PLEKHG4: variants seen among roughly 807,000 people sequenced by gnomAD.
PLEKHG4 encodes the protein pleckstrin homology and RhoGEF domain containing G4, also known as puratrophin-1.
In PLEKHG4, 85 loss-of-function variants were observed where a neutral mutation model predicts 136.9. The ratio of observed to expected loss-of-function variants is 0.62; its 90% CI spans 0.52 to 0.74. The LOEUF is 0.74. Among genes scored for constraint, PLEKHG4 ranks in the 30% least tolerant of loss-of-function variants. The pLI is 0.00. For missense variants in PLEKHG4, 1,317 were observed against 1,527.8 expected (o/e 0.86, Z 2.30); for synonymous variants, 577 against 646.9 (o/e 0.89, Z 1.64).
rs933686150 is a variant in PLEKHG4 at position 67,284,193 on chromosome 16, C to T, written c.1510-82C>T. ...CAGGACAGACTTGATGGGGACATGT[C>T]GATATGTCAGCAGGAAGTATCTGAG... On this transcript the variant is annotated intron_variant, in intron 11 of 21. Transcript: ENST00000379344. This position sits in a 1 kb window ranked among gnomAD's most constrained non-coding sequence, Gnocchi z 4.4. The T allele has an allele frequency of 3.2e-5, 40 of 1,236,270 alleles. No homozygotes were observed. Among genetic ancestry groups the T allele is most frequent in the East Asian group, 4.8e-5 (2 of 41,430 alleles). 76.6% of individuals were successfully genotyped at this position (1,236,270 alleles called of 1,614,324 possible).
intron 11 of PLEKHG4, among the ~76,000 whole-genome samples, chr16:67,283,330 G>A (rs1175564819): frequency 1.3e-5 from 2 of 152,154 alleles, no homozygotes; most frequent in Admixed American, 1.3e-4. Context: ...GGTGGGACAA[G>A]CCTGGTCAGT....
chr16:67,289,294 G>T lies in PLEKHG4; in HGVS notation c.*486G>T. The T allele has an allele frequency of 2.4e-6, 1 of 423,848 alleles. No homozygotes were observed. 26.3% of individuals were successfully genotyped at this position (423,848 alleles called of 1,614,324 possible). A position where few individuals can be genotyped will look rare whatever the true frequency, so the allele number is the denominator to read the frequency against. On this transcript the variant is annotated 3_prime_UTR_variant, in exon 22 of 22. Coordinates refer to ENST00000379344, the MANE Select transcript of PLEKHG4 (RefSeq NM_001129729.3). ...CATGCTTGCCTTTCCTGGCCCCCAG[G>T]CCCAGCCCCTTTTTACTGGGGCAGT...
rs1397640339 is a variant in PLEKHG4, at chr16:67,282,831, T to C, written c.1482T>C (p.Ser494=). ...ACATGCTGCTCCAGGCCCAAGGCTC[T>C]TTTCAGGAGCTGTACCAGGTTGCCC... ...SLDMLLQAQG[S]FQELYQVAQE... Residue 494 remains serine (S), a synonymous_variant, in exon 11 of 22, where the codon TCT becomes TCC. Coordinates refer to ENST00000379344, the MANE Select transcript of PLEKHG4 (RefSeq NM_001129729.3). The C allele has an allele frequency of 2.5e-6, 4 of 1,613,350 alleles. No individual in the cohort carries two copies. The highest frequency in any genetic ancestry group is 3.4e-6 in the Non-Finnish European group (4 of 1,179,984).
chr16:67,284,623 C>G lies in PLEKHG4; in HGVS notation c.1693-90C>G. 1 of 1,534,034 alleles carries G rather than the reference C, an allele frequency of 6.5e-7. No individual in the cohort carries two copies. Among genetic ancestry groups the G allele is most frequent in the South Asian group, 1.1e-5 (1 of 87,048 alleles). On this transcript the variant is annotated intron_variant, in intron 12 of 21. Coordinates refer to ENST00000379344, the MANE Select transcript of PLEKHG4 (RefSeq NM_001129729.3). This position sits in a 1 kb window ranked among gnomAD's most constrained non-coding sequence, Gnocchi z 4.4. ...CTGGGGCTGTGTCCTGGACAGCATC[C>G]TGTGGGGATGGGGAGTGGGTAGAGG...
At position 67,285,348 on chromosome 16, in the gene PLEKHG4, G is replaced by T; in HGVS notation, c.2254G>T (p.Glu752Ter). Residue 752 changes from glutamate (E) to a stop codon, truncating the protein, a stop_gained, in exon 14 of 22, where the codon GAG becomes TAG. Transcript: ENST00000379344. LOFTEE classifies it high-confidence loss of function. ...ATEREYVRAL[E>*]YTMENYFPEL... ...GGAGCGGGAGTATGTCCGGGCTCTA[G>T]AGTACACTATGGAGAACTATTTCCC... 6.2e-7 allele frequency: 1 copy of T among 1,614,224 alleles called. No homozygotes were observed. Among genetic ancestry groups the T allele is most frequent in the Non-Finnish European group, 8.5e-7 (1 of 1,180,042 alleles).
chr16:67,280,071 T>A lies in PLEKHG4; in HGVS notation c.27T>A (p.Asp9Glu). The change falls in exon 2 of 22, where the codon GAT becomes GAA. Residue 9 changes from aspartate to glutamate, a missense_variant. Coordinates refer to ENST00000379344, the MANE Select transcript of PLEKHG4 (RefSeq NM_001129729.3). This position sits in a 1 kb window ranked among gnomAD's most constrained non-coding sequence, Gnocchi z 4.4. MERPLENG[D>E]ESPDSQGHAT... ...TGGAAAGGCCCCTGGAGAATGGGGA[T>A]GAGTCCCCAGACTCTCAGGGCCATG... 6.2e-7 allele frequency: 1 copy of A among 1,613,152 alleles called. No homozygotes were observed. The highest frequency in any genetic ancestry group is 8.5e-7 in the Non-Finnish European group (1 of 1,179,506).
At chr16:67,285,575 C>T (rs1362627616) in intron 14 of PLEKHG4, 39 bp downstream of exon 14, 3 of 1,600,146 alleles carry the variant, frequency 1.9e-6, no homozygotes, top group Non-Finnish European at 2.5e-6. Context: ...CTCGTTCTGC[C>T]ACACTCCCGA....
chr16:67,279,137 C>G (rs1023286980), upstream of PLEKHG4: 8 of 152,270 alleles, frequency 5.3e-5, no homozygotes, highest in Admixed American at 2.0e-4. Context: ...GCGGTGCCCC[C>G]CGCGCACTCA....
At chr16:67,281,210 C>T in intron 5 of PLEKHG4, 26 bp downstream of exon 5, 2 of 1,371,630 alleles carry the variant, frequency 1.5e-6, no homozygotes, top group East Asian at 2.3e-5. Context: ...TAGCTCCCCT[C>T]ATTCCTTTTC....
chr16:67,282,651 ACTTG>A lies in PLEKHG4; in HGVS notation c.1392+12_1392+15del, dbSNP rs1310015641. On this transcript the variant is annotated intron_variant, in intron 10 of 21. Coordinates refer to ENST00000379344, the MANE Select transcript of PLEKHG4 (RefSeq NM_001129729.3). Reference sequence around the variant, plus strand: ...AAGCGGACTGCACCAGGTCGGAACTACTTGCCCAGAGTGGGCCCTGCCCCGATCT... The same window carrying A: ...AAGCGGACTGCACCAGGTCGGAACTACCCAGAGTGGGCCCTGCCCCGATCT... The A allele has an allele frequency of 6.2e-7, 1 of 1,613,798 alleles. No individual in the cohort carries two copies. The highest frequency in any genetic ancestry group is 8.5e-7 in the Non-Finnish European group (1 of 1,180,032).
rs1315132351 is a variant in PLEKHG4 at position 67,289,477 on chromosome 16, T to C, written c.*669T>C. The C allele has an allele frequency of 4.1e-6, 3 of 735,292 alleles. No individual in the cohort carries two copies. Among genetic ancestry groups the C allele is most frequent in the Admixed American group, 2.1e-5 (1 of 46,978 alleles). 45.5% of individuals were successfully genotyped at this position (735,292 alleles called of 1,614,324 possible). The stretch of plus-strand genomic sequence containing the variant: ...GTTTATAATAAAAAATAGACTGATA[T>C]GTACCCTCTGATGGGCACATGCATT... On this transcript the variant is annotated 3_prime_UTR_variant, in exon 22 of 22. Transcript: ENST00000379344.
At position 67,289,166 on chromosome 16, in the gene PLEKHG4, C is replaced by T. The variant is rs2036629495; in HGVS notation, c.*358C>T. ...AGGCAGTGACTAGGGTGCCCCCACC[C>T]CTCAGGAAGAACACAGGTGGGCTCC... On this transcript the variant is annotated 3_prime_UTR_variant, in exon 22 of 22. Coordinates refer to ENST00000379344, the MANE Select transcript of PLEKHG4 (RefSeq NM_001129729.3). The T allele has an allele frequency of 2.1e-6, 1 of 467,292 alleles. No homozygotes were observed. The highest frequency in any genetic ancestry group is 2.2e-5 in the South Asian group (1 of 45,426). 28.9% of individuals were successfully genotyped at this position (467,292 alleles called of 1,614,324 possible).
At chr16:67,287,286 A>G in intron 18 of PLEKHG4, 109 bp downstream of exon 18, 1 of 1,117,672 alleles carries the variant, frequency 8.9e-7, no homozygotes, top group Non-Finnish European at 1.3e-6. Context: ...GAGAAGGCCC[A>G]GCGACAGCCA....
Position 67,284,887 on chromosome 16 carries a change from C to T in PLEKHG4, c.1867C>T (p.Gln623Ter). 1 of 1,612,758 alleles carries T rather than the reference C, an allele frequency of 6.2e-7. No individual in the cohort carries two copies. The highest frequency in any genetic ancestry group is 1.7e-5 in the Admixed American group (1 of 59,970). The change falls in exon 13 of 22, where the codon CAG (glutamine) becomes TAG (stop). Residue 623 changes from glutamine to a stop codon, truncating the protein, a stop_gained. Transcript: ENST00000379344. LOFTEE classifies it high-confidence loss of function. The surrounding 1 kb of genome is among the most constrained non-coding windows in gnomAD (Gnocchi z 4.4). Reference sequence around the variant, plus strand: ...GGGGCTGGGCTCAGAGGCCATCCGCCAGGAGTGCCGCTGGGCCTGGGCGCG... The same window carrying T: ...GGGGCTGGGCTCAGAGGCCATCCGCTAGGAGTGCCGCTGGGCCTGGGCGCG... ...ATGLGSEAIR[Q>*]ECRWAWARCQ...
Position 67,281,752 on chromosome 16 carries a change from TGACC to T in PLEKHG4, c.921_924del (p.His309SerfsTer10). ...GAGCAGTTGCCTTCTCAGAGCCTGCTGACCCACATCCCAACGGCGGGGCTGCCCA... is the reference window on the plus strand; with the variant it reads ...GAGCAGTTGCCTTCTCAGAGCCTGCTCACATCCCAACGGCGGGGCTGCCCA... On this transcript the variant is annotated frameshift_variant, in exon 7 of 22. Coordinates refer to ENST00000379344, the MANE Select transcript of PLEKHG4 (RefSeq NM_001129729.3). LOFTEE classifies it high-confidence loss of function. 4 of 1,614,102 alleles carry T rather than the reference TGACC, an allele frequency of 2.5e-6. No individual in the cohort carries two copies. Among genetic ancestry groups the T allele is most frequent in the Non-Finnish European group, 3.4e-6 (4 of 1,180,028 alleles).
rs780154084 is a variant in PLEKHG4 at position 67,280,393 on chromosome 16, C to T, written c.349C>T (p.Gln117Ter). 3 of 1,611,082 alleles carry T rather than the reference C, an allele frequency of 1.9e-6. No individual in the cohort carries two copies. Among genetic ancestry groups the T allele is most frequent in the Admixed American group, 3.3e-5 (2 of 59,860 alleles). Reference protein sequence around the residue: ...CPMSSHLSLAQGESDTPGVGL... With the variant: ...CPMSSHLSLA Reference sequence around the variant, plus strand: ...CATGTCCTCCCACCTCAGCTTGGCACAGGGTGAGAGTGACACCCCAGGGGT... The same window carrying T: ...CATGTCCTCCCACCTCAGCTTGGCATAGGGTGAGAGTGACACCCCAGGGGT... Residue 117 changes from glutamine (Q) to a stop codon, truncating the protein, a stop_gained, in exon 2 of 22, where the codon CAG becomes TAG. Coordinates refer to ENST00000379344, the MANE Select transcript of PLEKHG4 (RefSeq NM_001129729.3). LOFTEE classifies it high-confidence loss of function. This position sits in a 1 kb window ranked among gnomAD's most constrained non-coding sequence, Gnocchi z 4.4.
At chr16:67,281,449 A>G in intron 5 of PLEKHG4, 118 bp from the exon 6 acceptor site, 1 of 855,620 alleles carries the variant, frequency 1.2e-6, no homozygotes, top group Admixed American at 2.0e-5. Flanking sequence ...CTGATCTCGA[A>G]CTCCTGAACT....
chr16:67,280,365 C>A lies in PLEKHG4; in HGVS notation c.321C>A (p.Cys107Ter). The change falls in exon 2 of 22, where the codon TGC becomes TGA. Residue 107 changes from cysteine (C) to a stop codon, truncating the protein, a stop_gained. Transcript: ENST00000379344. LOFTEE classifies it high-confidence loss of function. The surrounding 1 kb of genome is among the most constrained non-coding windows in gnomAD (Gnocchi z 4.4). ...PGPSGVESLL[C>*]PMSSHLSLAQ... ...CCTCTGGAGTGGAGAGTCTCCTATGCCCCATGTCCTCCCACCTCAGCTTGG... is the reference window on the plus strand; with the variant it reads ...CCTCTGGAGTGGAGAGTCTCCTATGACCCATGTCCTCCCACCTCAGCTTGG... The A allele has an allele frequency of 6.2e-7, 1 of 1,613,112 alleles. No homozygotes were observed. Among genetic ancestry groups the A allele is most frequent in the East Asian group, 2.2e-5 (1 of 44,866 alleles).
chr16:67,281,031 G>A (rs746256512), intron 4 of PLEKHG4, 26 bp downstream of exon 4: 3 of 1,614,074 alleles, frequency 1.9e-6, no homozygotes, highest in Non-Finnish European at 2.5e-6. Flanking sequence ...TTGGGAGACT[G>A]AGCCTGAGCC....
Sources: gnomAD v4.1 joint callset for allele counts (sites outside exome capture counted in the v4.1 genomes callset) on GRCh38, gnomAD v4.1.1 for gene constraint, Gnocchi (gnomAD v3.1) non-coding constraint, MANE v1.5 for transcripts, NCBI Gene and HGNC (gene_info 2026-07-23, HGNC 2026-07-21) for gene names.